The following FGL2 variants were observed in gnomAD, a reference collection of about 807,000 sequenced individuals.
FGL2 encodes the protein fibrinogen like 2.
FGL2 carries 21 observed loss-of-function variants against 36.0 expected under a neutral mutation model. The observed-to-expected ratio is 0.58, with a 90% CI of 0.41 to 0.84. FGL2 has a LOEUF of 0.84. FGL2 is among the 40% of genes least tolerant of loss of function. The probability of loss-of-function intolerance (pLI) is 0.00; values close to 1 mark genes in which losing one functional copy is unlikely to be tolerated. For missense variants in FGL2, 444 were observed against 526.3 expected (o/e 0.84, Z 1.53); for synonymous variants, 183 against 190.7 (o/e 0.96, Z 0.33).
intron 1 of FGL2, among the ~76,000 whole-genome samples, chr7:77,197,848 G>A (rs1263140374): frequency 6.6e-6 from 1 of 152,116 alleles, no homozygotes; most frequent in African/African-American, 2.4e-5. Flanking sequence ...AACAACAGGT[G>A]ACTATATTGA....
chr7:77,196,250 C>A lies in FGL2; in HGVS notation c.*29G>T. 6.5e-7 allele frequency: 1 copy of A among 1,530,442 alleles called. No homozygotes were observed. The highest frequency in any genetic ancestry group is 8.9e-7 in the Non-Finnish European group (1 of 1,117,920). 94.8% of individuals were successfully genotyped at this position (1,530,442 alleles called of 1,614,324 possible). A position where few individuals can be genotyped will look rare whatever the true frequency, so the allele number is the denominator to read the frequency against. ...AGGAATTAATTGCCCTATTAGATAA[C>A]GAATACCTGGAGGAATGAACAGAGT... On this transcript the variant is annotated 3_prime_UTR_variant, in exon 2 of 2. Transcript: ENST00000248598. The surrounding 1 kb of genome is among the most constrained non-coding windows in gnomAD (Gnocchi z 4.2).
chr7:77,197,140 G>C (rs1791888261), intron 1 of FGL2, among the ~76,000 whole-genome samples, 155 bp from the exon 2 acceptor site: 1 of 152,174 alleles, frequency 6.6e-6, no homozygotes, highest in African/African-American at 2.4e-5. Context: ...AAATGCTTAA[G>C]GCCTCACAAG....
Position 77,196,587 on chromosome 7 carries a change from TG to T in FGL2, c.1011del (p.Thr338GlnfsTer16), listed in dbSNP as rs763765559. ...KYRLHVGNYNGTAGDALRFNK... is the reference protein window; with the variant it reads ...KYRLHVGNYNXTAGDALRFNK... Reference sequence around the variant, plus strand: ...TTGAAACGTAATGCATCTCCAGCTGTGCCATTATAGTTACCAACGTGTAAAC... The same window carrying T: ...TTGAAACGTAATGCATCTCCAGCTGTCCATTATAGTTACCAACGTGTAAAC... On this transcript the variant is annotated frameshift_variant, in exon 2 of 2. Transcript: ENST00000248598. LOFTEE classifies it high-confidence loss of function. The surrounding 1 kb of genome is among the most constrained non-coding windows in gnomAD (Gnocchi z 4.2). The T allele has an allele frequency of 6.2e-7, 1 of 1,614,168 alleles. No individual in the cohort carries two copies. The highest frequency in any genetic ancestry group is 8.5e-7 in the Non-Finnish European group (1 of 1,179,998).
chr7:77,196,924 C>T lies in FGL2; in HGVS notation c.675G>A (p.Glu225=). ...TGGGATCAGGTGTAACTCTGTAGGT[C>T]TCACTGCTTCTTTTGCCTATTGCGT... is the stretch of plus-strand genomic sequence containing the variant. ...DYYAIGKRSS[E]TYRVTPDPKN... Residue 225 remains glutamate, a synonymous_variant, in exon 2 of 2, where the codon GAG becomes GAA. Transcript: ENST00000248598. This position sits in a 1 kb window ranked among gnomAD's most constrained non-coding sequence, Gnocchi z 4.2. 6.2e-7 allele frequency: 1 copy of T among 1,613,736 alleles called. No individual in the cohort carries two copies. Among genetic ancestry groups the T allele is most frequent in the Non-Finnish European group, 8.5e-7 (1 of 1,179,912 alleles).
chr7:77,199,783 G>A lies in FGL2; in HGVS notation c.11C>T (p.Ala4Val), dbSNP rs1007078267. 7 of 1,613,662 alleles carry A rather than the reference G, an allele frequency of 4.3e-6. No homozygotes were observed. In the African/African-American group the frequency reaches 9.3e-5, roughly 22 times the overall value. The change falls in exon 1 of 2, where the codon GCT (alanine) becomes GTT (valine). Residue 4 changes from alanine to valine, a missense_variant. By Grantham distance (64) the Ala-to-Val change is moderately conservative. Coordinates refer to ENST00000248598, the MANE Select transcript of FGL2 (RefSeq NM_006682.3). MKL[A>V]NWYWLSSAVL... ...AGCTGAGCTCAGCCAGTACCAGTTAGCCAGCTTCATCTTTACAGTGCTGCT... is the reference window on the plus strand; with the variant it reads ...AGCTGAGCTCAGCCAGTACCAGTTAACCAGCTTCATCTTTACAGTGCTGCT...
At position 77,199,420 on chromosome 7, in the gene FGL2, A is replaced by G. The variant is rs375874418; in HGVS notation, c.374T>C (p.Val125Ala). ...LLPSTGAPGE[V>A]GDNRVRELES... The stretch of plus-strand genomic sequence containing the variant: ...TAATTCTCTAACTCTGTTATCACCA[A>G]CCTCTCCCGGGGCTCCTGTACTGGG... The change falls in exon 1 of 2, where the codon GTT (valine) becomes GCT (alanine). Residue 125 changes from valine to alanine, a missense_variant. Coordinates refer to ENST00000248598, the MANE Select transcript of FGL2 (RefSeq NM_006682.3). The G allele has an allele frequency of 4.3e-5, 69 of 1,613,182 alleles. No homozygotes were observed. The highest frequency in any genetic ancestry group is 5.3e-5 in the Non-Finnish European group (63 of 1,179,846).
At chr7:77,199,108 G>C (rs1791929735) in intron 1 of FGL2, 73 bp downstream of exon 1, 1 of 1,309,824 alleles carries the variant, frequency 7.6e-7, no homozygotes, top group Admixed American at 2.1e-5. Flanking sequence ...ACTGACTCAG[G>C]TTAATGTTTA....
chr7:77,197,006 A>T (rs1415602624), intron 1 of FGL2, 21 bp from the exon 2 acceptor site: 1 of 1,438,420 alleles, frequency 7.0e-7, no homozygotes, highest in African/African-American at 1.4e-5. Context: ...AATAAAAGGA[A>T]GGCATTGGAT....
intron 1 of FGL2, chr7:77,198,657 CAT>C (rs1213941463): frequency 6.5e-6 from 1 of 153,682 alleles, no homozygotes; most frequent in Non-Finnish European, 1.4e-5. Context: ...TTTGTGCACA[CAT>C]ATGAAACTGC....
chr7:77,198,257 C>G, intron 1 of FGL2: 1 of 985,380 alleles, frequency 1.0e-6, no homozygotes, highest in Non-Finnish European at 1.2e-6. Context: ...TGGAGCATGC[C>G]TGAGATACTG....
chr7:77,198,146 A>G, intron 1 of FGL2: 2 of 985,452 alleles, frequency 2.0e-6, no homozygotes, highest in Non-Finnish European at 2.4e-6. Context: ...TTGGATTCGC[A>G]GTGTGCCAGG....
In FGL2 at chr7:77,196,521, C is replaced by A. The variant is rs777392979; in HGVS notation, c.1078G>T (p.Asp360Tyr). Residue 360 changes from aspartate to tyrosine, a missense_variant, in exon 2 of 2, where the codon GAT becomes TAT. Asp to Tyr is a radical substitution (Grantham distance 160). Coordinates refer to ENST00000248598, the MANE Select transcript of FGL2 (RefSeq NM_006682.3). The surrounding 1 kb of genome is among the most constrained non-coding windows in gnomAD (Gnocchi z 4.2). ...GAAGGATATCGATCATTGTCTTTATCTGGAGTGGTGAAAAACTTCAGATCG... is the reference window on the plus strand; with the variant it reads ...GAAGGATATCGATCATTGTCTTTATATGGAGTGGTGAAAAACTTCAGATCG... Reference protein sequence around the residue: ...NHDLKFFTTPDKDNDRYPSGN... With the variant: ...NHDLKFFTTPYKDNDRYPSGN... 6.2e-7 allele frequency: 1 copy of A among 1,614,170 alleles called. No individual in the cohort carries two copies. Among genetic ancestry groups the A allele is most frequent in the Non-Finnish European group, 8.5e-7 (1 of 1,180,010 alleles).
Position 77,196,695 on chromosome 7 carries a change from T to C in FGL2, c.904A>G (p.Ile302Val). 6.2e-7 allele frequency: 1 copy of C among 1,614,248 alleles called. No homozygotes were observed. The highest frequency in any genetic ancestry group is 1.3e-5 in the African/African-American group (1 of 75,068). ...ACACCATTAAAGTCTTCAAGATCTA[T>C]TCTCAGAATCATTTCCTTACTCTTG... ...LTKSKEMILRIDLEDFNGVEL... is the reference protein window; with the variant it reads ...LTKSKEMILRVDLEDFNGVEL... The change falls in exon 2 of 2, where the codon ATA (isoleucine) becomes GTA (valine). Residue 302 changes from isoleucine to valine, a missense_variant. Ile to Val is a conservative substitution (Grantham distance 29). Coordinates refer to ENST00000248598, the MANE Select transcript of FGL2 (RefSeq NM_006682.3). The surrounding 1 kb of genome is among the most constrained non-coding windows in gnomAD (Gnocchi z 4.2).
Position 77,196,501 on chromosome 7 carries a change from A to G in FGL2, c.1098T>C (p.Tyr366=), listed in dbSNP as rs140799198. ...AGTACAGCCCACAGTTCCCAGAAGG[A>G]TATCGATCATTGTCTTTATCTGGAG... ...FTTPDKDNDR[Y]PSGNCGLYYS... The change falls in exon 2 of 2, where the codon TAT becomes TAC. Residue 366 remains tyrosine, a synonymous_variant. Transcript: ENST00000248598. The surrounding 1 kb of genome is among the most constrained non-coding windows in gnomAD (Gnocchi z 4.2). 5.6e-3 allele frequency: 9,042 copies of G among 1,614,168 alleles called. 50 individuals carry two copies. Among genetic ancestry groups the G allele is most frequent in the Admixed American group, 6.9e-3 (417 of 60,028 alleles).
intron 1 of FGL2, chr7:77,198,802 T>C: frequency 4.1e-6 from 1 of 241,094 alleles, no homozygotes; most frequent in Non-Finnish European, 7.9e-6. Flanking sequence ...AAAAACTGAT[T>C]TCCAACAAAC....
At position 77,194,869 on chromosome 7, in the gene FGL2, TTATA is replaced by T. The variant is rs1791836206; in HGVS notation, c.*1406_*1409del. 1 of 152,146 alleles carries T rather than the reference TTATA, an allele frequency of 6.6e-6. No homozygotes were observed. The highest frequency in any genetic ancestry group is 2.1e-4 in the South Asian group (1 of 4,832). The allele number at this position is 152,146 out of a possible 1,614,324, so 9.4% of individuals were successfully genotyped here. A position where few individuals can be genotyped will look rare whatever the true frequency, so the allele number is the denominator to read the frequency against. On this transcript the variant is annotated 3_prime_UTR_variant, in exon 2 of 2. Coordinates refer to ENST00000248598, the MANE Select transcript of FGL2 (RefSeq NM_006682.3). ...ACACATTTAAAAAGTCTTTTAAATATTATATATAGCATTCCAGAATTGATGAATT... is the reference window on the plus strand; with the variant it reads ...ACACATTTAAAAAGTCTTTTAAATATTATAGCATTCCAGAATTGATGAATT...
At position 77,199,447 on chromosome 7, in the gene FGL2, A is replaced by C. The variant is rs1791940954; in HGVS notation, c.347T>G (p.Leu116Ter). The change falls in exon 1 of 2, where the codon TTA becomes TGA. Residue 116 changes from leucine to a stop codon, truncating the protein, a stop_gained. Transcript: ENST00000248598. LOFTEE classifies it high-confidence loss of function. ...CTCTCCCGGGGCTCCTGTACTGGGTAACAACAGTCCGTTTCTGCCTGGGTC... is the reference window on the plus strand; with the variant it reads ...CTCTCCCGGGGCTCCTGTACTGGGTCACAACAGTCCGTTTCTGCCTGGGTC... ...NGDPGRNGLL[L>*]PSTGAPGEVG... 12 of 1,614,150 alleles carry C rather than the reference A, an allele frequency of 7.4e-6. No individual in the cohort carries two copies. In the East Asian group the frequency reaches 2.7e-4, roughly 36 times the overall value.
chr7:77,198,043 G>A, intron 1 of FGL2: 2 of 773,204 alleles, frequency 2.6e-6, no homozygotes, highest in Non-Finnish European at 3.1e-6. Flanking sequence ...AAATGTTTAG[G>A]AGAAAAATAG....
rs775861710 is a variant in FGL2, at chr7:77,199,756, A to G, written c.38T>C (p.Val13Ala). The G allele has an allele frequency of 3.7e-6, 6 of 1,613,982 alleles. No individual in the cohort carries two copies. The East Asian group carries it at 1.3e-4, about 36-fold the overall frequency. Reference protein sequence around the residue: ...LANWYWLSSAVLATYGFLVVA... With the variant: ...LANWYWLSSAALATYGFLVVA... Reference sequence around the variant, plus strand: ...AACCAAAAAACCGTAAGTGGCAAGAACAGCTGAGCTCAGCCAGTACCAGTT... The same window carrying G: ...AACCAAAAAACCGTAAGTGGCAAGAGCAGCTGAGCTCAGCCAGTACCAGTT... The change falls in exon 1 of 2, where the codon GTT (valine) becomes GCT (alanine). Residue 13 changes from valine (V) to alanine (A), a missense_variant. Transcript: ENST00000248598.
Sources: gnomAD v4.1 joint callset for allele counts (sites outside exome capture counted in the v4.1 genomes callset) on GRCh38, gnomAD v4.1.1 for gene constraint, Gnocchi (gnomAD v3.1) non-coding constraint, MANE v1.5 for transcripts, NCBI Gene and HGNC (gene_info 2026-07-23, HGNC 2026-07-21) for gene names.